Variants in FRMD4A observed in about 807,000 individuals in gnomAD.
FRMD4A encodes the protein FERM domain-containing protein 4A.
FRMD4A carries 29 observed loss-of-function variants against 129.1 expected under a neutral mutation model. That is an observed-to-expected ratio of 0.22 (90% CI 0.17 to 0.31). The LOEUF is 0.31. Among genes scored for constraint, FRMD4A ranks in the 10% least tolerant of loss-of-function variants. The probability of loss-of-function intolerance (pLI) is 1.00; values close to 1 mark genes in which losing one functional copy is unlikely to be tolerated. For synonymous variants in FRMD4A, 634 were observed against 571.6 expected (o/e 1.11, Z -1.56); for missense variants, 1,272 against 1,375.8 (o/e 0.92, Z 1.19).
At chr10:13,706,677 T>C (rs999562633) in intron 13 of FRMD4A, among the ~76,000 whole-genome samples, 6 of 151,856 alleles carry the variant, frequency 4.0e-5, no homozygotes, top group African/African-American at 1.5e-4. Context: ...TATGGGGACT[T>C]ACTGGTGTGT....
intron 3 of FRMD4A, among the ~76,000 whole-genome samples, chr10:13,835,984 C>A (rs1484440669): frequency 6.7e-6 from 1 of 148,598 alleles, no homozygotes; most frequent in African/African-American, 2.5e-5. Flanking sequence ...TGGCACTAAA[C>A]ACTTCAGCAG....
At chr10:14,154,912 G>A (rs1840521944) in intron 2 of FRMD4A, among the ~76,000 whole-genome samples, 1 of 152,162 alleles carries the variant, frequency 6.6e-6, no homozygotes, top group African/African-American at 2.4e-5. Flanking sequence ...AAAGAAATAT[G>A]GCAGGCAAAA....
chr10:14,055,025 G>A (rs749675639), intron 2 of FRMD4A, among the ~76,000 whole-genome samples: 1 of 152,072 alleles, frequency 6.6e-6, no homozygotes, highest in Non-Finnish European at 1.5e-5. Context: ...GAGAATGGAC[G>A]CAAGAGAAGA....
At chr10:13,976,735 T>A (rs2095543454) in intron 2 of FRMD4A, among the ~76,000 whole-genome samples, 1 of 152,182 alleles carries the variant, frequency 6.6e-6, no homozygotes, top group Non-Finnish European at 1.5e-5. Context: ...TTATAGCAAC[T>A]AAAGAAATAT....
At position 13,657,785 on chromosome 10, in the gene FRMD4A, TG is replaced by T. The variant is rs200073491; in HGVS notation, c.2067-264del. ...GGACTCACAGAAAGGTTTCGATTTC[TG>T]GGTTTTTTTTTTTTTTTAAATAATT... On this transcript the variant is annotated intron_variant, in intron 21 of 24. Coordinates refer to ENST00000357447, the MANE Select transcript of FRMD4A (RefSeq NM_018027.5). 3.7e-5 allele frequency among the ~76,000 whole-genome samples: 4 copies of T among 109,020 alleles called. No homozygotes were observed. In the East Asian group the frequency reaches 6.1e-4, roughly 17 times the overall value. The allele number at this position is 109,020 out of a possible 152,430, so 71.5% of individuals were successfully genotyped here.
chr10:13,919,940 AAAACAAACAAAC>A (rs752362585), intron 2 of FRMD4A, among the ~76,000 whole-genome samples: 2 of 152,180 alleles, frequency 1.3e-5, no homozygotes, highest in Non-Finnish European at 2.9e-5. Context: ...CCTGTCTCAA[AAAACAAACAAAC>A]AAACAAACAC....
intron 15 of FRMD4A, among the ~76,000 whole-genome samples, chr10:13,688,459 C>G (rs139411911): frequency 7.9e-5 from 12 of 151,886 alleles, no homozygotes; most frequent in Non-Finnish European, 1.6e-4. Flanking sequence ...ACGAGTTAAT[C>G]GGTGCAGCAC....
chr10:14,184,298 A>T lies in FRMD4A; in HGVS notation c.45+145760T>A, dbSNP rs1488595679. Among the ~76,000 whole-genome samples the T allele has an allele frequency of 3.9e-3, 410 of 104,884 alleles. 7 individuals are homozygous for T. Among genetic ancestry groups the T allele is most frequent in the African/African-American group, 0.014 (393 of 28,426 alleles). The allele number at this position is 104,884 out of a possible 152,430, so 68.8% of individuals were successfully genotyped here. ...AGGTGCATACCACCACAACCGGTTA[A>T]TTTTTTTTTTTTTTTTAGTAGAGAT... On this transcript the variant is annotated intron_variant, in intron 2 of 24. Transcript: ENST00000357447.
chr10:14,005,071 C>T (rs1437567146), intron 2 of FRMD4A, among the ~76,000 whole-genome samples: 4 of 151,454 alleles, frequency 2.6e-5, no homozygotes, highest in African/African-American at 4.9e-5. Flanking sequence ...TCACCAGGCT[C>T]GAGTGCAGTG....
At chr10:14,107,425 C>T (rs1187342990) in intron 2 of FRMD4A, among the ~76,000 whole-genome samples, 1 of 152,140 alleles carries the variant, frequency 6.6e-6, no homozygotes, top group African/African-American at 2.4e-5. Context: ...ATGCCATCAA[C>T]CGATGTATAT....
intron 2 of FRMD4A, among the ~76,000 whole-genome samples, chr10:13,930,482 T>C (rs10796144): frequency 0.32 from 48,695 of 152,116 alleles, 8,813 homozygotes; most frequent in African/African-American, 0.47. Context: ...TGCAGACCCA[T>C]TGATGGCCGC....
At chr10:14,319,362 C>CTG in intron 2 of FRMD4A, among the ~76,000 whole-genome samples, 1 of 147,132 alleles carries the variant, frequency 6.8e-6, no homozygotes, top group Admixed American at 6.6e-5. Flanking sequence ...CTCTCTCTCT[C>CTG]TCTCTCACAC....
intron 2 of FRMD4A, among the ~76,000 whole-genome samples, chr10:13,931,197 T>C (rs998898788): frequency 1.3e-5 from 2 of 152,156 alleles, no homozygotes; most frequent in Non-Finnish European, 2.9e-5. Flanking sequence ...CACCAATATG[T>C]TTCCAGGAAA....
intron 2 of FRMD4A, among the ~76,000 whole-genome samples, chr10:14,055,486 C>G (rs944579150): frequency 6.7e-6 from 1 of 150,266 alleles, no homozygotes; most frequent in African/African-American, 2.5e-5. Flanking sequence ...CACACACACA[C>G]ACACACACAC....
chr10:14,237,071 C>T (rs537486903), intron 2 of FRMD4A, among the ~76,000 whole-genome samples: 1 of 146,328 alleles, frequency 6.8e-6, no homozygotes, highest in African/African-American at 2.5e-5. Context: ...TGGGGTCTTG[C>T]TATGCTGCCC....
chr10:13,902,839 C>CAA (rs113445035), intron 2 of FRMD4A, among the ~76,000 whole-genome samples: 16 of 97,128 alleles, frequency 1.6e-4, no homozygotes, highest in African/African-American at 3.4e-4. Context: ...GATGCAGTCT[C>CAA]AAAAAAAAAA....
intron 2 of FRMD4A, among the ~76,000 whole-genome samples, chr10:14,246,759 A>T (rs998478969): frequency 6.6e-6 from 1 of 152,108 alleles, no homozygotes; most frequent in Non-Finnish European, 1.5e-5. Flanking sequence ...CAAGAAAGGG[A>T]GGTTAGGTCC....
chr10:14,170,517 C>T (rs1214066259), intron 2 of FRMD4A, among the ~76,000 whole-genome samples: 21 of 152,112 alleles, frequency 1.4e-4, no homozygotes, highest in Admixed American at 1.4e-3. Flanking sequence ...AGAAATAAGA[C>T]AGGGTCAGAC....
rs180815771 is a variant in FRMD4A at position 14,265,390 on chromosome 10, G to C, written c.45+64668C>G. Among the ~76,000 whole-genome samples the C allele has an allele frequency of 2.6e-5, 4 of 152,092 alleles. No individual in the cohort carries two copies. The East Asian group carries it at 7.7e-4, about 29-fold the overall frequency. On this transcript the variant is annotated intron_variant, in intron 2 of 24. Transcript: ENST00000357447. ...TCATAGTAACAAGATTTTTGTTTTG[G>C]TTTGTTTTGTAACCTGAAAGTTTCC... is the stretch of plus-strand genomic sequence containing the variant.
Sources: allele counts gnomAD v4.1 joint callset (sites outside exome capture counted in the v4.1 genomes callset), GRCh38; gene constraint gnomAD v4.1.1; transcripts MANE v1.5; gene names NCBI Gene and HGNC (gene_info 2026-07-23, HGNC 2026-07-21).